The following CNTNAP2 variants were observed in gnomAD, a reference collection of about 807,000 sequenced individuals.
CNTNAP2 encodes contactin-associated protein-like 2.
In CNTNAP2, 98 loss-of-function variants were observed where a neutral mutation model predicts 155.2. That is an observed-to-expected ratio of 0.63 (90% CI 0.54 to 0.75). The LOEUF is 0.75. Ranked by LOEUF, CNTNAP2 falls within the 30% of genes least tolerant of loss-of-function variation. CNTNAP2 has a pLI of 0.00. For missense variants in CNTNAP2, 1,727 were observed against 1,688.1 expected (o/e 1.02, Z -0.40); for synonymous variants, 651 against 631.2 (o/e 1.03, Z -0.47).
At chr7:147,214,147 T>A (rs1219990113) in intron 8 of CNTNAP2, among the ~76,000 whole-genome samples, 2 of 152,168 alleles carry the variant, frequency 1.3e-5, no homozygotes, top group Non-Finnish European at 2.9e-5. Context: ...CAGAAACATA[T>A]AACTTTGAAC....
chr7:146,486,266 G>T lies in CNTNAP2; in HGVS notation c.98-288005G>T, dbSNP rs1309432164. Among the ~76,000 whole-genome samples the T allele has an allele frequency of 4.6e-5, 7 of 151,618 alleles. No individual in the cohort carries two copies. The East Asian group carries it at 5.9e-4, about 13-fold the overall frequency. ...TTTTTAGTAGAGACGGGGTTTCACC[G>T]TGTTAGCCAGGATGGTCTCGATCTC... is the stretch of plus-strand genomic sequence containing the variant. On this transcript the variant is annotated intron_variant, in intron 1 of 23. Coordinates refer to ENST00000361727, the MANE Select transcript of CNTNAP2 (RefSeq NM_014141.6).
At chr7:146,990,062 G>A (rs1312994320) in intron 3 of CNTNAP2, among the ~76,000 whole-genome samples, 10 of 151,532 alleles carry the variant, frequency 6.6e-5, no homozygotes, top group Admixed American at 2.6e-4. Context: ...CTTAGGTCCT[G>A]TAGAGAAAAA....
At chr7:146,169,267 A>G (rs1464941083) in intron 1 of CNTNAP2, among the ~76,000 whole-genome samples, 2 of 152,222 alleles carry the variant, frequency 1.3e-5, no homozygotes, top group Non-Finnish European at 2.9e-5. Flanking sequence ...GCCACATATT[A>G]GGGATATTTA....
At chr7:148,084,144 G>A (rs1277299046) in intron 15 of CNTNAP2, among the ~76,000 whole-genome samples, 1 of 152,182 alleles carries the variant, frequency 6.6e-6, no homozygotes, top group African/African-American at 2.4e-5. Context: ...TTGTTAATAT[G>A]AATTCTCACA....
chr7:147,467,262 T>G (rs972046341), intron 10 of CNTNAP2, among the ~76,000 whole-genome samples: 2 of 152,240 alleles, frequency 1.3e-5, no homozygotes, highest in Non-Finnish European at 2.9e-5. Flanking sequence ...TGTCCTATTT[T>G]GTTAAACTTA....
chr7:146,283,481 C>T (rs1315374731), intron 1 of CNTNAP2, among the ~76,000 whole-genome samples: 1 of 152,118 alleles, frequency 6.6e-6, no homozygotes, highest in Non-Finnish European at 1.5e-5. Context: ...CATCTTCCCA[C>T]CTCAGCCTCC....
At chr7:146,307,230 T>C (rs978529441) in intron 1 of CNTNAP2, among the ~76,000 whole-genome samples, 4 of 152,198 alleles carry the variant, frequency 2.6e-5, no homozygotes, top group African/African-American at 9.6e-5. Flanking sequence ...CCATTCACAA[T>C]TGCTTCAAAA....
chr7:148,320,138 G>C (rs553222031), intron 21 of CNTNAP2, among the ~76,000 whole-genome samples: 2 of 152,246 alleles, frequency 1.3e-5, no homozygotes, highest in East Asian at 3.9e-4. Context: ...CTGCATTCGA[G>C]TTGCTGATGG....
intron 9 of CNTNAP2, among the ~76,000 whole-genome samples, chr7:147,348,014 A>C (rs1290488530): frequency 6.6e-6 from 1 of 152,034 alleles, no homozygotes. Flanking sequence ...CACCTCACAC[A>C]TAATCAACTC....
chr7:146,997,938 T>G (rs911234113), intron 3 of CNTNAP2, among the ~76,000 whole-genome samples: 5 of 152,114 alleles, frequency 3.3e-5, no homozygotes, highest in Non-Finnish European at 7.4e-5. Context: ...TTCTCTTTTT[T>G]TCTTACTCTA....
At chr7:147,604,244 GC>G (rs1323906403) in intron 12 of CNTNAP2, among the ~76,000 whole-genome samples, 1 of 151,516 alleles carries the variant, frequency 6.6e-6, no homozygotes, top group East Asian at 1.9e-4. Flanking sequence ...AAACTAAAGA[GC>G]TTCTGCACAG....
chr7:147,869,446 G>T (rs1244836976), intron 13 of CNTNAP2, among the ~76,000 whole-genome samples: 1 of 152,166 alleles, frequency 6.6e-6, no homozygotes, highest in Admixed American at 6.5e-5. Context: ...AAGAGAATGA[G>T]AATTTCAAAG....
At position 147,347,457 on chromosome 7, in the gene CNTNAP2, C is replaced by CAT. The variant is rs60963934; in HGVS notation, c.1498+47184_1498+47185dup. Among the ~76,000 whole-genome samples the CAT allele has an allele frequency of 4.3e-3, 214 of 49,990 alleles. 6 individuals are homozygous for CAT. Among genetic ancestry groups the CAT allele is most frequent in the Admixed American group, 5.5e-3 (24 of 4,394 alleles). The allele number at this position is 49,990 out of a possible 152,430, so 32.8% of individuals were successfully genotyped here. ...ATATATATGCATATATATATATATG[C>CAT]ATATATATATATATATATGCATATA... On this transcript the variant is annotated intron_variant, in intron 9 of 23. Coordinates refer to ENST00000361727, the MANE Select transcript of CNTNAP2 (RefSeq NM_014141.6).
At chr7:146,980,184 A>G (rs1797987035) in intron 3 of CNTNAP2, among the ~76,000 whole-genome samples, 1 of 152,056 alleles carries the variant, frequency 6.6e-6, no homozygotes, top group Admixed American at 6.6e-5. Flanking sequence ...TCAGGTGGAT[A>G]GGGGGATGTG....
At chr7:148,177,309 C>T (rs1191437020) in intron 18 of CNTNAP2, among the ~76,000 whole-genome samples, 1 of 152,096 alleles carries the variant, frequency 6.6e-6, no homozygotes, top group Admixed American at 6.5e-5. Flanking sequence ...GAGGAGGGGG[C>T]ACAGAGGTAC....
intron 15 of CNTNAP2, among the ~76,000 whole-genome samples, chr7:148,061,544 G>A (rs971039155): frequency 4.0e-5 from 6 of 151,800 alleles, no homozygotes; most frequent in African/African-American, 1.5e-4. Flanking sequence ...TAGTAGAGAC[G>A]AGGTTTCACC....
At chr7:146,805,392 G>A (rs1464735787) in intron 2 of CNTNAP2, among the ~76,000 whole-genome samples, 1 of 152,152 alleles carries the variant, frequency 6.6e-6, no homozygotes, top group Non-Finnish European at 1.5e-5. Context: ...CTTGGGATTG[G>A]TGGGTTACAA....
chr7:146,131,741 C>T (rs1307317880), intron 1 of CNTNAP2, among the ~76,000 whole-genome samples: 1 of 152,132 alleles, frequency 6.6e-6, no homozygotes, highest in Non-Finnish European at 1.5e-5. Flanking sequence ...GATGATTATG[C>T]ATCTGATATG....
chr7:148,016,234 C>T (rs1802175011), intron 15 of CNTNAP2, among the ~76,000 whole-genome samples: 1 of 152,244 alleles, frequency 6.6e-6, no homozygotes, highest in Admixed American at 6.5e-5. Context: ...CTGGGGAAGT[C>T]TGTTTACACT....
Sources: gnomAD v4.1 joint callset for allele counts (sites outside exome capture counted in the v4.1 genomes callset) on GRCh38, gnomAD v4.1.1 for gene constraint, MANE v1.5 for transcripts, NCBI Gene and HGNC (gene_info 2026-07-23, HGNC 2026-07-21) for gene names.